WT1: variants seen among roughly 807,000 people sequenced by gnomAD.
WT1 encodes WT1 transcription factor, also known as Wilms tumor protein.
Under a neutral mutation model 60.8 loss-of-function variants are expected in WT1, and 8 were observed. The ratio of observed to expected loss-of-function variants is 0.13; its 90% CI spans 0.08 to 0.24. The LOEUF (loss-of-function observed/expected upper bound fraction) is 0.24, where lower values mean the gene tolerates loss of function less well. WT1 is among the 10% of genes least tolerant of loss of function. WT1 has a pLI of 1.00. For synonymous variants in WT1, 312 were observed against 297.1 expected (o/e 1.05, Z -0.52); for missense variants, 568 against 711.8 (o/e 0.80, Z 2.30).
chr11:32,420,835 A>T, intron 3 of WT1, among the ~76,000 whole-genome samples: 1 of 152,216 alleles, frequency 6.6e-6, no homozygotes, highest in Middle Eastern at 3.2e-3. Context: ...GAGTGCCAAG[A>T]TCCCAATAGA....
intron 6 of WT1, among the ~76,000 whole-genome samples, chr11:32,398,908 GC>G (rs1368239692): frequency 1.1e-4 from 16 of 151,662 alleles, no homozygotes; most frequent in African/African-American, 3.9e-4. Context: ...TGTAATCCCA[GC>G]ACTTTGGGAG....
intron 1 of WT1, chr11:32,430,828 G>T: frequency 1.6e-6 from 2 of 1,285,294 alleles, no homozygotes; most frequent in Admixed American, 3.5e-5. Context: ...GCGGAGCGGA[G>T]GGAGGTCTCT....
At chr11:32,414,521 C>G (rs934112031) in intron 5 of WT1, among the ~76,000 whole-genome samples, 1 of 152,218 alleles carries the variant, frequency 6.6e-6, no homozygotes, top group Admixed American at 6.5e-5. Context: ...GTGATCCACC[C>G]ACCTCAGCCT....
At chr11:32,405,513 TA>T (rs1852281242) in intron 5 of WT1, among the ~76,000 whole-genome samples, 3 of 148,882 alleles carry the variant, frequency 2.0e-5, no homozygotes, top group African/African-American at 4.9e-5. Flanking sequence ...AAATGTATAA[TA>T]AAATATATGT....
chr11:32,411,068 T>C (rs1018933623), intron 5 of WT1, among the ~76,000 whole-genome samples: 2 of 145,710 alleles, frequency 1.4e-5, no homozygotes, highest in Non-Finnish European at 3.0e-5. Flanking sequence ...CCCTCTCCAA[T>C]ACACACACAC....
chr11:32,395,420 A>G (rs982393557), intron 7 of WT1, among the ~76,000 whole-genome samples: 6 of 152,040 alleles, frequency 3.9e-5, no homozygotes, highest in African/African-American at 1.4e-4. Flanking sequence ...GACCTGGGGG[A>G]AAATCCAGTT....
At chr11:32,404,331 T>C (rs1234368817) in intron 5 of WT1, among the ~76,000 whole-genome samples, 1 of 151,568 alleles carries the variant, frequency 6.6e-6, no homozygotes, top group African/African-American at 2.4e-5. Context: ...TGTTTCCTAG[T>C]AGACTTCCTT....
rs1853437781 is a variant in WT1 at position 32,434,778 on chromosome 11, A to ATGACGC, written c.577_582dup (p.Ala193_Ser194dup). ...TTAGGAAACATCCTGGCCTGGCCGGATGACGCCTGGCTGGGCGGAGGAGGA... is the reference window on the plus strand; with the variant it reads ...TTAGGAAACATCCTGGCCTGGCCGGATGACGCTGACGCCTGGCTGGGCGGAGGAGGA... On this transcript the variant is annotated inframe_insertion, in exon 1 of 10. Coordinates refer to ENST00000452863, the MANE Select transcript of WT1 (RefSeq NM_024426.6). 2 of 1,612,560 alleles carry ATGACGC rather than the reference A, an allele frequency of 1.2e-6. No individual in the cohort carries two copies. Among genetic ancestry groups the ATGACGC allele is most frequent in the African/African-American group, 2.7e-5 (2 of 74,944 alleles).
chr11:32,401,681 A>G (rs1161101203), intron 5 of WT1, among the ~76,000 whole-genome samples: 6 of 152,050 alleles, frequency 3.9e-5, no homozygotes, highest in African/African-American at 7.2e-5. Flanking sequence ...CTGGGATTAC[A>G]GGCGCACGTC....
rs777617460 is a variant in WT1 at position 32,435,120 on chromosome 11, G to C, written c.241C>G (p.Leu81Val). ...GGGACGGCGGGCAGCAGCGCGTTCA[G>C]GTCCCGCACGTCGGAGCCCATTTGC... The change falls in exon 1 of 10, where the codon CTG (leucine) becomes GTG (valine). Residue 81 changes from leucine (L) to valine (V), a missense_variant. Leu to Val is a conservative substitution (Grantham distance 32). Around this residue, in one of 3 missense-constraint regions of WT1, gnomAD observed 523 missense variants for 565.1 expected, o/e 0.93. Transcript: ENST00000452863. The C allele has an allele frequency of 6.6e-7, 1 of 1,516,020 alleles. No individual in the cohort carries two copies. The highest frequency in any genetic ancestry group is 1.2e-5 in the South Asian group (1 of 82,134). 93.9% of individuals were successfully genotyped at this position (1,516,020 alleles called of 1,614,324 possible).
intron 3 of WT1, among the ~76,000 whole-genome samples, chr11:32,418,002 G>C (rs1852732747): frequency 6.6e-6 from 1 of 152,032 alleles, no homozygotes; most frequent in Non-Finnish European, 1.5e-5. Context: ...CAACATTAAA[G>C]TTAAAAGCCT....
In WT1 at chr11:32,422,651, C is replaced by T. The variant is rs141777688; in HGVS notation, c.888-4997G>A. Among the ~76,000 whole-genome samples, 1,105 of 152,306 alleles carry T rather than the reference C, an allele frequency of 7.3e-3. 6 individuals carry two copies. Among genetic ancestry groups the T allele is most frequent in the Admixed American group, 0.013 (192 of 15,294 alleles). On this transcript the variant is annotated intron_variant, in intron 3 of 9. Transcript: ENST00000452863. ...CCAAGATTTCCCAGAAACTCTATGG[C>T]TGCTGAGGAAGTTTCTCTCATATGA...
At chr11:32,421,525 T>G (rs1413982317) in intron 3 of WT1, among the ~76,000 whole-genome samples, 5 of 152,238 alleles carry the variant, frequency 3.3e-5, no homozygotes, top group Admixed American at 6.5e-5. Context: ...TATGTAAGAA[T>G]GTTTGAAGTT....
chr11:32,433,647 G>A (rs886326500), intron 1 of WT1, among the ~76,000 whole-genome samples: 1 of 152,208 alleles, frequency 6.6e-6, no homozygotes, highest in African/African-American at 2.4e-5. Context: ...TCTCAATAGC[G>A]TGGAAATCCA....
chr11:32,391,543 T>G (rs192601549), intron 9 of WT1, among the ~76,000 whole-genome samples: 14 of 152,354 alleles, frequency 9.2e-5, no homozygotes, highest in South Asian at 2.1e-4. Flanking sequence ...GCATTAACTT[T>G]TAACAGAGCA....
intron 3 of WT1, among the ~76,000 whole-genome samples, chr11:32,426,454 C>G (rs1853039181): frequency 6.6e-6 from 1 of 152,188 alleles, no homozygotes; most frequent in South Asian, 2.1e-4. Flanking sequence ...GCGAATCCTG[C>G]CCCCATTCCA....
intron 3 of WT1, among the ~76,000 whole-genome samples, chr11:32,419,273 G>A (rs1852779015): frequency 6.6e-6 from 1 of 152,144 alleles, no homozygotes; most frequent in South Asian, 2.1e-4. Context: ...TCATTAATAA[G>A]CGGCCTCCTC....
chr11:32,393,385 T>C (rs1391571586), intron 7 of WT1, among the ~76,000 whole-genome samples: 1 of 152,200 alleles, frequency 6.6e-6, no homozygotes, highest in African/African-American at 2.4e-5. Flanking sequence ...CAACCTCCTG[T>C]CTCAGAATGG....
At chr11:32,424,990 C>T (rs1217875532) in intron 3 of WT1, among the ~76,000 whole-genome samples, 2 of 152,022 alleles carry the variant, frequency 1.3e-5, no homozygotes, top group African/African-American at 4.8e-5. Flanking sequence ...CCAACCTGGC[C>T]AACATGGTGA....
Sources: gnomAD v4.1 joint callset for allele counts (sites outside exome capture counted in the v4.1 genomes callset) on GRCh38, gnomAD v4.1.1 for gene constraint, gnomAD v4.1.1 regional missense constraint, MANE v1.5 for transcripts, NCBI Gene and HGNC (gene_info 2026-07-23, HGNC 2026-07-21) for gene names.